The following DSE variants were observed in gnomAD, a reference collection of about 807,000 sequenced individuals.
DSE encodes the protein dermatan sulfate epimerase.
DSE carries 36 observed loss-of-function variants against 84.4 expected under a neutral mutation model. The ratio of observed to expected loss-of-function variants is 0.43; its 90% confidence interval spans 0.33 to 0.56. The LOEUF is 0.56. Ranked by LOEUF, DSE falls within the 20% of genes least tolerant of loss-of-function variation. The probability of loss-of-function intolerance (pLI) is 0.06; values close to 1 mark genes in which losing one functional copy is unlikely to be tolerated. For missense variants in DSE, 862 were observed against 1,169.6 expected, an observed-to-expected ratio of 0.74 and a Z score of 3.84; for synonymous variants, 410 against 430.1, an observed-to-expected ratio of 0.95 and a Z score of 0.58.
intron 1 of DSE, chr6:116,255,681 T>C (rs992501354): frequency 2.0e-5 from 3 of 152,258 alleles, no homozygotes; most frequent in Non-Finnish European, 4.4e-5. Flanking sequence ...TTTGTGACTT[T>C]GAATTATTGA....
At chr6:116,403,219 C>G (rs899598067) in intron 2 of DSE, among the ~76,000 whole-genome samples, 6 of 152,080 alleles carry the variant, frequency 3.9e-5, no homozygotes, top group Non-Finnish European at 7.4e-5. Context: ...TCCCCCGTTT[C>G]TCTCCCTTTT....
chr6:116,362,545 G>A (rs1464417496), intron 2 of DSE, among the ~76,000 whole-genome samples: 6 of 152,216 alleles, frequency 3.9e-5, no homozygotes, highest in Non-Finnish European at 7.3e-5. Context: ...ATAGGCTACT[G>A]TCTGCAAGCA....
At chr6:116,287,081 C>T (rs554558819) in intron 2 of DSE, among the ~76,000 whole-genome samples, 1 of 152,136 alleles carries the variant, frequency 6.6e-6, no homozygotes, top group South Asian at 2.1e-4. Context: ...TAAAACTTTC[C>T]ATTAATCTCT....
upstream of DSE, chr6:116,366,745 CAG>C (rs1779185103): frequency 6.6e-6 from 1 of 152,150 alleles, no homozygotes; most frequent in African/African-American, 2.4e-5. Context: ...GATTTTATGT[CAG>C]AAAACATAAT....
At chr6:116,342,923 G>A (rs1178702638) in intron 2 of DSE, among the ~76,000 whole-genome samples, 1 of 152,174 alleles carries the variant, frequency 6.6e-6, no homozygotes, top group Non-Finnish European at 1.5e-5. Context: ...GATGGTACCT[G>A]GAAAATCGGG....
rs192460241 is a variant in DSE at position 116,427,631 on chromosome 6, G to A, written c.670+804G>A. 1.1e-4 allele frequency among the ~76,000 whole-genome samples: 17 copies of A among 152,236 alleles called. No homozygotes were observed. In the East Asian group the frequency reaches 2.5e-3, roughly 22 times the overall value. On this transcript the variant is annotated intron_variant, in intron 3 of 5. Transcript: ENST00000644252. ...CCGTCACTTTTAATTAGGTCTTAGAGGAAAAGAAACTAACATTAACTGAGT... is the reference window on the plus strand; with the variant it reads ...CCGTCACTTTTAATTAGGTCTTAGAAGAAAAGAAACTAACATTAACTGAGT...
intron 2 of DSE, among the ~76,000 whole-genome samples, chr6:116,303,431 A>T (rs1171459372): frequency 6.6e-6 from 1 of 152,156 alleles, no homozygotes; most frequent in Non-Finnish European, 1.5e-5. Context: ...GACACTAAAT[A>T]TGTCTGTTAA....
At chr6:116,387,574 G>T (rs1476356216) in intron 1 of DSE, among the ~76,000 whole-genome samples, 1 of 152,108 alleles carries the variant, frequency 6.6e-6, no homozygotes, top group African/African-American at 2.4e-5. Flanking sequence ...CTTGCAGGGA[G>T]AAAGGAAGTG....
At chr6:116,324,307 A>C (rs1218286593) in intron 2 of DSE, among the ~76,000 whole-genome samples, 1 of 152,200 alleles carries the variant, frequency 6.6e-6, no homozygotes, top group Non-Finnish European at 1.5e-5. Flanking sequence ...ATACAACAGC[A>C]GGCAAGATCC....
At chr6:116,278,969 G>A (rs766732991) in intron 2 of DSE, 1 of 1,614,086 alleles carries the variant, frequency 6.2e-7, no homozygotes, top group Non-Finnish European at 8.5e-7. Flanking sequence ...GCGGACAACT[G>A]GGGGTGGTTT....
intron 2 of DSE, among the ~76,000 whole-genome samples, chr6:116,349,201 A>G (rs3021301): frequency 0.76 from 115,063 of 152,036 alleles, 44,806 homozygotes; most frequent in East Asian, 1. Context: ...ACATATATAC[A>G]TATATCTACA....
chr6:116,264,581 C>T (rs1443864987), intron 2 of DSE, among the ~76,000 whole-genome samples: 1 of 152,036 alleles, frequency 6.6e-6, no homozygotes, highest in African/African-American at 2.4e-5. Context: ...TCATTTAAGC[C>T]ATCTCAGCCC....
At chr6:116,279,620 G>C in intron 2 of DSE, 1 of 1,603,110 alleles carries the variant, frequency 6.2e-7, no homozygotes. Flanking sequence ...GCATCCTGGG[G>C]TACGCCCCCC....
Position 116,435,609 on chromosome 6 carries a change from G to T in DSE, c.1141G>T (p.Val381Phe), listed in dbSNP as rs778320676. 1.9e-6 allele frequency: 3 copies of T among 1,576,808 alleles called. No individual in the cohort carries two copies. The highest frequency in any genetic ancestry group is 2.3e-5 in the South Asian group (2 of 86,034). ...FLWYDGSLKS[V>F]PPPDFGTPTL... ...CAGGTATGATGGCAGCTTGAAATCG[G>T]TTCCTCCTCCAGACTTTGGCACCCC... The change falls in exon 6 of 6, where the codon GTT (valine) becomes TTT (phenylalanine). Residue 381 changes from valine to phenylalanine, a missense_variant. Coordinates refer to ENST00000644252, the MANE Select transcript of DSE (RefSeq NM_013352.4).
At chr6:116,410,859 A>G in intron 2 of DSE, among the ~76,000 whole-genome samples, 1 of 152,080 alleles carries the variant, frequency 6.6e-6, no homozygotes, top group East Asian at 1.9e-4. Context: ...AAAACCTAGA[A>G]TAGGAAATAA....
chr6:116,284,041 G>A (rs943982513), intron 2 of DSE, among the ~76,000 whole-genome samples: 7 of 152,058 alleles, frequency 4.6e-5, no homozygotes, highest in Admixed American at 2.0e-4. Flanking sequence ...TTCTGTAATT[G>A]ACAATAAACT....
Position 116,437,318 on chromosome 6 carries a change from CTCT to C in DSE, c.2855_2857del (p.Ser952del). 2 of 1,612,180 alleles carry C rather than the reference CTCT, an allele frequency of 1.2e-6. No homozygotes were observed. The highest frequency in any genetic ancestry group is 2.2e-5 in the South Asian group (2 of 90,792). ...ATAGCTGTATTTTATTATGGTTGTA[CTCT>C]TCTTGTTCCCAATCACAGTGTTAGC... On this transcript the variant is annotated inframe_deletion, in exon 6 of 6. Transcript: ENST00000644252.
intron 2 of DSE, among the ~76,000 whole-genome samples, chr6:116,273,954 C>T (rs1772999689): frequency 6.6e-6 from 1 of 151,604 alleles, no homozygotes; most frequent in African/African-American, 2.4e-5. Context: ...CTCAGCCTCC[C>T]GAGTAGCTGG....
At chr6:116,259,235 A>T (rs887838620) in intron 2 of DSE, 6 of 606,080 alleles carry the variant, frequency 9.9e-6, no homozygotes, top group African/African-American at 3.7e-5. Context: ...AGTAATTTTT[A>T]AAATATCTAT....
Sources: gnomAD v4.1 joint callset for allele counts (sites outside exome capture counted in the v4.1 genomes callset) on GRCh38, gnomAD v4.1.1 for gene constraint, MANE v1.5 for transcripts, NCBI Gene and HGNC (gene_info 2026-07-23, HGNC 2026-07-21) for gene names.